ATRNL1: variants seen among roughly 807,000 people sequenced by gnomAD.
ATRNL1 encodes the protein attractin like 1.
ATRNL1 carries 95 observed loss-of-function variants against 182.7 expected under a neutral mutation model. The ratio of observed to expected loss-of-function variants is 0.52; its 90% confidence interval spans 0.44 to 0.62. The LOEUF is 0.62. Among genes scored for constraint, ATRNL1 ranks in the 20% least tolerant of loss-of-function variants. The pLI is 0.00. For synonymous variants in ATRNL1, 576 were observed against 568.3 expected (o/e 1.01, Z -0.19); for missense variants, 1,471 against 1,679.5 (o/e 0.88, Z 2.17).
At chr10:115,142,550 A>G (rs1269839951) in intron 5 of ATRNL1, among the ~76,000 whole-genome samples, 2 of 152,210 alleles carry the variant, frequency 1.3e-5, no homozygotes, top group Non-Finnish European at 2.9e-5. Flanking sequence ...TTTGTAGACC[A>G]TAGTGAGGAT....
chr10:115,593,228 C>A (rs1253611240), intron 26 of ATRNL1, among the ~76,000 whole-genome samples: 1 of 152,150 alleles, frequency 6.6e-6, no homozygotes, highest in Non-Finnish European at 1.5e-5. Context: ...GAACATCAAT[C>A]CATTTATGGG....
At chr10:115,462,969 T>G (rs1480361922) in intron 22 of ATRNL1, among the ~76,000 whole-genome samples, 1 of 151,952 alleles carries the variant, frequency 6.6e-6, no homozygotes, top group Non-Finnish European at 1.5e-5. Context: ...TTATTCGGGT[T>G]GAATTTTAGT....
At chr10:115,675,565 A>T (rs1185768697) in intron 26 of ATRNL1, among the ~76,000 whole-genome samples, 2 of 152,108 alleles carry the variant, frequency 1.3e-5, no homozygotes, top group Non-Finnish European at 2.9e-5. Flanking sequence ...AGTTCCTTTT[A>T]ACAGATATTT....
intron 28 of ATRNL1, among the ~76,000 whole-genome samples, chr10:115,866,348 G>A (rs1951439639): frequency 1.3e-5 from 2 of 152,152 alleles, no homozygotes; most frequent in South Asian, 2.1e-4. Context: ...GTAGTCTATG[G>A]AACTGTCCAA....
chr10:115,340,114 C>T (rs1480888120), intron 19 of ATRNL1, among the ~76,000 whole-genome samples: 2 of 152,022 alleles, frequency 1.3e-5, no homozygotes, highest in African/African-American at 4.8e-5. Context: ...GTATTTTGCA[C>T]CAACATTCAC....
intron 28 of ATRNL1, among the ~76,000 whole-genome samples, chr10:115,936,813 T>G (rs1159161577): frequency 6.6e-6 from 1 of 152,126 alleles, no homozygotes; most frequent in Non-Finnish European, 1.5e-5. Flanking sequence ...TGTTGGGGGT[T>G]TTTTTAATTG....
At chr10:115,668,873 A>G (rs1945599909) in intron 26 of ATRNL1, among the ~76,000 whole-genome samples, 2 of 152,112 alleles carry the variant, frequency 1.3e-5, no homozygotes, top group Admixed American at 6.6e-5. Context: ...AGATGGTCAT[A>G]TGATTACTCA....
intron 26 of ATRNL1, among the ~76,000 whole-genome samples, chr10:115,593,663 C>T (rs56132379): frequency 0.16 from 24,843 of 151,998 alleles, 2,531 homozygotes; most frequent in South Asian, 0.24. Context: ...AGTATTTTTC[C>T]AATTAAAACT....
intron 19 of ATRNL1, among the ~76,000 whole-genome samples, chr10:115,388,016 GT>G (rs1843757988): frequency 6.6e-6 from 1 of 152,092 alleles, no homozygotes; most frequent in Non-Finnish European, 1.5e-5. Context: ...AGGTACTGAT[GT>G]TTTCCTGTGA....
chr10:115,713,752 A>ATC (rs1565311060), intron 26 of ATRNL1, among the ~76,000 whole-genome samples: 17 of 140,584 alleles, frequency 1.2e-4, no homozygotes, highest in African/African-American at 4.5e-4. Context: ...ATCTATCTAT[A>ATC]GTCTCTCCAT....
intron 28 of ATRNL1, among the ~76,000 whole-genome samples, chr10:115,908,287 C>T (rs923668083): frequency 1.3e-5 from 2 of 152,226 alleles, no homozygotes; most frequent in Middle Eastern, 3.4e-3. Flanking sequence ...TTCTGGAGGT[C>T]GGAAGTCTAA....
chr10:115,241,498 C>T (rs562482696), intron 9 of ATRNL1, 73 bp from the exon 10 acceptor site: 2 of 1,041,540 alleles, frequency 1.9e-6, no homozygotes, highest in Admixed American at 4.4e-5. Flanking sequence ...AAAGTAGACC[C>T]TTTATATAAC....
intron 14 of ATRNL1, among the ~76,000 whole-genome samples, chr10:115,285,405 A>G (rs782659888): frequency 3.9e-5 from 6 of 152,108 alleles, no homozygotes; most frequent in African/African-American, 4.8e-5. Context: ...TCCTTCATAC[A>G]GGGCTAGAGG....
At chr10:115,735,234 G>A (rs1565331840) in intron 27 of ATRNL1, among the ~76,000 whole-genome samples, 1 of 151,970 alleles carries the variant, frequency 6.6e-6, no homozygotes, top group East Asian at 1.9e-4. Context: ...AACTCTCTTA[G>A]TCTTTCTATT....
intron 24 of ATRNL1, among the ~76,000 whole-genome samples, chr10:115,504,301 C>T (rs1849998556): frequency 6.6e-6 from 1 of 151,940 alleles, no homozygotes; most frequent in African/African-American, 2.4e-5. Flanking sequence ...CTTGTTCATT[C>T]CTCGGTATTG....
chr10:115,357,771 CA>C (rs1856565165), intron 19 of ATRNL1, among the ~76,000 whole-genome samples: 1 of 151,600 alleles, frequency 6.6e-6, no homozygotes, highest in African/African-American at 2.4e-5. Flanking sequence ...CTTAACAGTA[CA>C]GCCTATTTTA....
intron 21 of ATRNL1, among the ~76,000 whole-genome samples, chr10:115,453,576 T>C (rs1215418863): frequency 6.6e-6 from 1 of 152,100 alleles, no homozygotes; most frequent in African/African-American, 2.4e-5. Context: ...TGCCTGTGCT[T>C]TTGGTAGTAT....
chr10:115,481,370 A>T (rs1244815970), intron 24 of ATRNL1, among the ~76,000 whole-genome samples: 3 of 150,932 alleles, frequency 2.0e-5, no homozygotes, highest in African/African-American at 7.2e-5. Flanking sequence ...TCTTTTGCAC[A>T]TATGTCCCCA....
At chr10:115,226,477 T>C (rs1554898706) in intron 9 of ATRNL1, among the ~76,000 whole-genome samples, 1 of 151,964 alleles carries the variant, frequency 6.6e-6, no homozygotes, top group Non-Finnish European at 1.5e-5. Flanking sequence ...AGAATCAATA[T>C]TGTAAAAATG....
Sources: gnomAD v4.1 joint callset for allele counts (sites outside exome capture counted in the v4.1 genomes callset) on GRCh38, gnomAD v4.1.1 for gene constraint, MANE v1.5 for transcripts, NCBI Gene and HGNC (gene_info 2026-07-23, HGNC 2026-07-21) for gene names.